The following ACYP2 variants were observed in gnomAD, a reference collection of about 807,000 sequenced individuals.
ACYP2 encodes the protein acylphosphatase 2.
ACYP2 carries 12 observed loss-of-function variants against 11.2 expected under a neutral mutation model. The ratio of observed to expected loss-of-function variants is 1.08; its 90% CI spans 0.69 to 1.74. ACYP2 has a LOEUF of 1.74. Among genes scored for constraint, ACYP2 ranks in the 40% most tolerant of loss-of-function variants. The probability of loss-of-function intolerance (pLI) is 0.00; values close to 1 mark genes in which losing one functional copy is unlikely to be tolerated. For synonymous variants in ACYP2, 43 were observed against 32.2 expected, an observed-to-expected ratio of 1.33 and a Z score of -1.13; for missense variants, 134 against 101.9, an observed-to-expected ratio of 1.31 and a Z score of -1.35.
intron 4 of ACYP2, among the ~76,000 whole-genome samples, chr2:54,095,026 C>A (rs1322794876): frequency 6.7e-6 from 1 of 148,694 alleles, no homozygotes; most frequent in Non-Finnish European, 1.5e-5. Flanking sequence ...AGGCAGAGGA[C>A]CCTGCGGCCT....
intron 5 of ACYP2, among the ~76,000 whole-genome samples, chr2:54,136,843 G>C (rs1017228218): frequency 6.6e-5 from 10 of 152,154 alleles, no homozygotes; most frequent in Non-Finnish European, 1.3e-4. Context: ...GGGCATGGTG[G>C]CAGATGCCTG....
intron 4 of ACYP2, among the ~76,000 whole-genome samples, chr2:54,127,879 A>T (rs563238835): frequency 1.3e-5 from 2 of 152,304 alleles, no homozygotes; most frequent in South Asian, 4.1e-4. Context: ...GACTCATCTA[A>T]GTTTTCCACT....
intron 6 of ACYP2, among the ~76,000 whole-genome samples, chr2:54,157,070 TA>T (rs899663698): frequency 1.0e-3 from 155 of 151,156 alleles, no homozygotes; most frequent in Non-Finnish European, 1.6e-3. Context: ...AAATGTGATT[TA>T]AAAAAAAAAT....
intron 6 of ACYP2, among the ~76,000 whole-genome samples, chr2:54,248,360 G>A (rs1043524226): frequency 6.6e-6 from 1 of 152,100 alleles, no homozygotes; most frequent in African/African-American, 2.4e-5. Flanking sequence ...AAAGACATAC[G>A]ATTCCTACTC....
chr2:54,160,888 T>G (rs1268592004), intron 6 of ACYP2, among the ~76,000 whole-genome samples: 1 of 152,206 alleles, frequency 6.6e-6, no homozygotes, highest in Non-Finnish European at 1.5e-5. Flanking sequence ...GGAGATTAAT[T>G]AACCATATCA....
intron 2 of ACYP2, among the ~76,000 whole-genome samples, chr2:53,980,494 G>C (rs1671697692): frequency 6.6e-6 from 1 of 152,116 alleles, no homozygotes; most frequent in Non-Finnish European, 1.5e-5. Flanking sequence ...AAGGCAAGAG[G>C]ATTGCTTGAG....
chr2:54,171,354 G>C (rs776909868), intron 6 of ACYP2, among the ~76,000 whole-genome samples: 2 of 152,108 alleles, frequency 1.3e-5, no homozygotes, highest in Non-Finnish European at 2.9e-5. Flanking sequence ...GAATGTTATC[G>C]GGGGGCGAGC....
At chr2:54,172,190 C>T (rs980411441) in intron 6 of ACYP2, among the ~76,000 whole-genome samples, 3 of 152,088 alleles carry the variant, frequency 2.0e-5, no homozygotes, top group African/African-American at 7.2e-5. Context: ...TGCACTTCAA[C>T]CTGGGTAACA....
chr2:54,166,394 A>G (rs916110089), intron 6 of ACYP2, among the ~76,000 whole-genome samples: 1 of 152,228 alleles, frequency 6.6e-6, no homozygotes, highest in Non-Finnish European at 1.5e-5. Context: ...ATGGGTAGAC[A>G]CAGAAGAATG....
At chr2:54,174,736 G>A (rs949422539) in intron 6 of ACYP2, among the ~76,000 whole-genome samples, 1 of 152,068 alleles carries the variant, frequency 6.6e-6, no homozygotes, top group African/African-American at 2.4e-5. Context: ...TAGCATGAAG[G>A]GCTGTTGAAT....
intron 4 of ACYP2, among the ~76,000 whole-genome samples, chr2:54,086,544 A>G (rs1003810924): frequency 6.6e-6 from 1 of 152,204 alleles, no homozygotes. Context: ...TCTCTTTTCT[A>G]TATTTTGCTG....
intron 4 of ACYP2, among the ~76,000 whole-genome samples, chr2:54,093,912 C>CT (rs879294688): frequency 5.9e-5 from 9 of 151,892 alleles, no homozygotes; most frequent in Admixed American, 5.9e-4. Context: ...TGCACTCCAG[C>CT]CTGGGTGACA....
At chr2:54,114,658 T>C (rs923880075) in intron 4 of ACYP2, among the ~76,000 whole-genome samples, 1 of 152,198 alleles carries the variant, frequency 6.6e-6, no homozygotes, top group Non-Finnish European at 1.5e-5. Context: ...CACTCCAGTC[T>C]GGGAGACAAG....
At chr2:54,111,066 C>A (rs1460537260) in intron 4 of ACYP2, among the ~76,000 whole-genome samples, 2 of 151,984 alleles carry the variant, frequency 1.3e-5, no homozygotes, top group Non-Finnish European at 2.9e-5. Flanking sequence ...GGCCTTCTTG[C>A]TGGGGGCTAG....
intron 2 of ACYP2, among the ~76,000 whole-genome samples, chr2:54,014,610 C>G (rs750220248): frequency 6.6e-6 from 1 of 152,146 alleles, no homozygotes; most frequent in Non-Finnish European, 1.5e-5. Context: ...CTTGAGCCAC[C>G]GCTCCCAGCC....
intron 6 of ACYP2, among the ~76,000 whole-genome samples, chr2:54,234,036 G>A (rs1481487209): frequency 1.3e-5 from 2 of 151,102 alleles, no homozygotes; most frequent in African/African-American, 2.4e-5. Flanking sequence ...TTAAGATTAG[G>A]GAACAAAAAG....
At chr2:54,081,014 T>C (rs1572708254) in intron 4 of ACYP2, among the ~76,000 whole-genome samples, 2 of 152,244 alleles carry the variant, frequency 1.3e-5, no homozygotes, top group East Asian at 3.8e-4. Flanking sequence ...TCTATCATGT[T>C]TCATATATGG....
rs60167120 is a variant in ACYP2 at position 54,201,680 on chromosome 2, TTCTC to T, written c.404+62948_404+62951del. Among the ~76,000 whole-genome samples the T allele has an allele frequency of 5.5e-3, 586 of 107,292 alleles. 18 individuals are homozygous for T. Among genetic ancestry groups the T allele is most frequent in the African/African-American group, 0.021 (551 of 26,708 alleles). The allele number at this position is 107,292 out of a possible 152,430, so 70.4% of individuals were successfully genotyped here. A position where few individuals can be genotyped will look rare whatever the true frequency, so the allele number is the denominator to read the frequency against. On this transcript the variant is annotated intron_variant, in intron 6 of 6. Transcript: ENST00000607452. ...TTTCTTTCTTTCTTTCTTTCTTTCT[TTCTC>T]TCTCTCTCTCTCTCTTTTTTCTTTT...
intron 6 of ACYP2, among the ~76,000 whole-genome samples, chr2:54,159,427 T>C (rs1403762150): frequency 6.6e-6 from 1 of 151,360 alleles, no homozygotes; most frequent in Non-Finnish European, 1.5e-5. Context: ...AGGCTGGTCT[T>C]GAACTCCTGG....
Sources: allele counts gnomAD v4.1 joint callset (sites outside exome capture counted in the v4.1 genomes callset), GRCh38; gene constraint gnomAD v4.1.1; transcripts MANE v1.5; gene names NCBI Gene and HGNC (gene_info 2026-07-23, HGNC 2026-07-21).